The following PDXDC1 variants were observed in gnomAD, a reference collection of about 807,000 sequenced individuals.
PDXDC1 encodes pyridoxal-dependent decarboxylase domain-containing protein 1.
In PDXDC1, 42 loss-of-function variants were observed where a neutral mutation model predicts 100.1. The observed-to-expected ratio is 0.42, with a 90% confidence interval of 0.33 to 0.54. PDXDC1 has a LOEUF of 0.54. Ranked by LOEUF, PDXDC1 falls within the 20% of genes least tolerant of loss-of-function variation. The probability of loss-of-function intolerance (pLI) is 0.10; values close to 1 mark genes in which losing one functional copy is unlikely to be tolerated. For missense variants in PDXDC1, 636 were observed against 979.2 expected, an observed-to-expected ratio of 0.65 and a Z score of 4.68; for synonymous variants, 260 against 371.7, an observed-to-expected ratio of 0.70 and a Z score of 3.46.
chr16:15,091,225 T>C, intron 16 of PDXDC1: 1 of 1,526,746 alleles, frequency 6.5e-7, no homozygotes, highest in Non-Finnish European at 8.9e-7. Flanking sequence ...AGAGAGCAAG[T>C]TCTGGAGGAC....
intron 16 of PDXDC1, chr16:15,063,413 T>C: frequency 1.3e-6 from 1 of 763,138 alleles, no homozygotes; most frequent in Non-Finnish European, 2.3e-6. Flanking sequence ...AATAATTACA[T>C]TTAAAAAAAA....
At chr16:15,150,258 G>A in the PDXDC1 span, among the ~76,000 whole-genome samples, 1 of 151,416 alleles carries the variant, frequency 6.6e-6, no homozygotes, top group Non-Finnish European at 1.5e-5. Flanking sequence ...GGAGAATGGC[G>A]TGAACCCAGG....
intron 1 of PDXDC1, among the ~76,000 whole-genome samples, chr16:14,982,364 T>A: frequency 6.6e-6 from 1 of 152,294 alleles, no homozygotes; most frequent in Non-Finnish European, 1.5e-5. Flanking sequence ...GGCTCATGCC[T>A]GTACTCCCAG....
intron 1 of PDXDC1, among the ~76,000 whole-genome samples, chr16:14,997,377 TA>T (rs1972211742): frequency 6.6e-6 from 1 of 152,260 alleles, no homozygotes; most frequent in African/African-American, 2.4e-5. Context: ...CCGTCTCTAC[TA>T]AAAATACAAA....
intron 3 of PDXDC1, among the ~76,000 whole-genome samples, chr16:14,999,565 A>G (rs1207631155): frequency 6.6e-6 from 1 of 152,240 alleles, no homozygotes; most frequent in East Asian, 1.9e-4. Flanking sequence ...TGATATACAA[A>G]TTCATCATTA....
At position 15,133,755 on chromosome 16, in the gene PDXDC1, G is replaced by A. The variant is rs537885462; in HGVS notation, c.1400-5124G>A. Reference sequence around the variant, plus strand: ...GGGAGGGCTCCGTGACGTCACAGTCGGGGGATCCCGCTGCTCCCCCTAAGC... The same window carrying A: ...GGGAGGGCTCCGTGACGTCACAGTCAGGGGATCCCGCTGCTCCCCCTAAGC... On this transcript the variant is annotated intron_variant, in intron 16 of 16. Coordinates refer to the PDXDC1 transcript ENST00000535621. 84 of 1,593,798 alleles carry A rather than the reference G, an allele frequency of 5.3e-5. 1 individual carries two copies. Among genetic ancestry groups the A allele is most frequent in the African/African-American group, 1.6e-4 (12 of 74,624 alleles).
At chr16:15,099,071 C>G (rs2046453677) in intron 16 of PDXDC1, among the ~76,000 whole-genome samples, 1 of 152,072 alleles carries the variant, frequency 6.6e-6, no homozygotes, top group Admixed American at 6.6e-5. Flanking sequence ...CAAAGCACAG[C>G]TAAGACTAAG....
downstream of PDXDC1, chr16:15,041,708 A>G (rs377218066): frequency 3.9e-6 from 6 of 1,539,726 alleles, no homozygotes; most frequent in African/African-American, 6.8e-5. Context: ...CAGAAGTCAG[A>G]AAAGTTCCTC....
intron 6 of PDXDC1, among the ~76,000 whole-genome samples, chr16:15,008,190 C>T (rs1371705069): frequency 6.6e-6 from 1 of 152,388 alleles, no homozygotes; most frequent in African/African-American, 2.4e-5. Flanking sequence ...TCATACAGAA[C>T]AATATGCTGC....
intron 5 of PDXDC1, among the ~76,000 whole-genome samples, chr16:15,005,144 G>T (rs1368773741): frequency 1.3e-5 from 2 of 152,266 alleles, no homozygotes; most frequent in Non-Finnish European, 2.9e-5. Context: ...GGATCACAAG[G>T]TGAGGAGATC....
chr16:15,126,235 T>C, intron 16 of PDXDC1, among the ~76,000 whole-genome samples: 1 of 148,080 alleles, frequency 6.8e-6, no homozygotes, highest in Non-Finnish European at 1.5e-5. Context: ...GGGGTTTCAC[T>C]GTGTTGGCCA....
Position 15,127,913 on chromosome 16 carries a change from G to A in PDXDC1, c.1400-10966G>A, listed in dbSNP as rs549477064. 4 of 1,415,876 alleles carry A rather than the reference G, an allele frequency of 2.8e-6. No individual in the cohort carries two copies. In the East Asian group the frequency reaches 9.7e-5, roughly 34 times the overall value. 87.7% of individuals were successfully genotyped at this position (1,415,876 alleles called of 1,614,324 possible). ...GCTGCGTGACCTAGAAGGCAGGGAG[G>A]GCCGCACTGCAGGAGGCCACGGGGC... On this transcript the variant is annotated intron_variant, in intron 16 of 16. Coordinates refer to the PDXDC1 transcript ENST00000535621.
At chr16:15,043,630 T>TTTTC (rs969520803) in intron 16 of PDXDC1, among the ~76,000 whole-genome samples, 1 of 152,108 alleles carries the variant, frequency 6.6e-6, no homozygotes. Flanking sequence ...CACGACAATG[T>TTTTC]TTTCTTTCTT....
intron 16 of PDXDC1, among the ~76,000 whole-genome samples, chr16:15,080,459 G>A (rs1290715316): frequency 6.6e-6 from 1 of 152,120 alleles, no homozygotes; most frequent in Non-Finnish European, 1.5e-5. Context: ...TTTAGAGACA[G>A]GGTCTTGCTC....
chr16:15,013,390 T>C (rs1031958493), intron 8 of PDXDC1, among the ~76,000 whole-genome samples: 1 of 148,188 alleles, frequency 6.7e-6, no homozygotes, highest in Non-Finnish European at 1.5e-5. Flanking sequence ...AAAACTACAG[T>C]GACAGAAGCA....
intron 16 of PDXDC1, chr16:15,092,444 G>C: frequency 1.1e-6 from 1 of 941,932 alleles, no homozygotes; most frequent in Non-Finnish European, 1.7e-6. Context: ...TTGGTCTTTA[G>C]TATAACAGCA....
intron 12 of PDXDC1, among the ~76,000 whole-genome samples, chr16:15,022,034 G>C (rs1442746946): frequency 6.6e-6 from 1 of 152,286 alleles, no homozygotes; most frequent in Non-Finnish European, 1.5e-5. Context: ...GCTTTCTACT[G>C]TCCAGTACTC....
intron 16 of PDXDC1, chr16:15,092,562 T>C: frequency 6.2e-7 from 1 of 1,613,776 alleles, no homozygotes; most frequent in Non-Finnish European, 8.5e-7. Context: ...CGAACAGTTT[T>C]TCTTGGGGGA....
intron 16 of PDXDC1, chr16:15,074,600 A>T: frequency 7.6e-6 from 5 of 653,664 alleles, no homozygotes; most frequent in African/African-American, 1.9e-5. Context: ...ATCATCTTAA[A>T]CTCATACTCA....
Sources: allele counts gnomAD v4.1 joint callset (sites outside exome capture counted in the v4.1 genomes callset), GRCh38; gene constraint gnomAD v4.1.1; transcripts MANE v1.5; gene names NCBI Gene and HGNC (gene_info 2026-07-23, HGNC 2026-07-21).